The following HEMK2 variants were observed in gnomAD, a reference collection of about 807,000 sequenced individuals.
The protein encoded by HEMK2 is HemK methyltransferase 2, ETF1 glutamine and histone H4 lysine.
At chr21:28,842,823 G>C in the HEMK2 span, among the ~76,000 whole-genome samples, 4 of 152,240 alleles carry the variant, frequency 2.6e-5, no homozygotes, top group East Asian at 7.7e-4. Flanking sequence ...TCCTCTGATT[G>C]TATACAGAGA....
At chr21:28,718,544 T>G in the HEMK2 span, among the ~76,000 whole-genome samples, 1 of 152,126 alleles carries the variant, frequency 6.6e-6, no homozygotes, top group Non-Finnish European at 1.5e-5. Context: ...ACTATTACTG[T>G]GTGGCTAAGT....
At chr21:28,707,344 G>A in the HEMK2 span, among the ~76,000 whole-genome samples, 13 of 149,660 alleles carry the variant, frequency 8.7e-5, no homozygotes, top group East Asian at 2.0e-4. Context: ...CAACCTCCGC[G>A]TCCCCCATTC....
At chr21:28,780,358 TA>T in the HEMK2 span, among the ~76,000 whole-genome samples, 4 of 149,846 alleles carry the variant, frequency 2.7e-5, no homozygotes, top group East Asian at 8.0e-4. Context: ...TTGGTATTTT[TA>T]ATAGAGACGG....
the HEMK2 span, among the ~76,000 whole-genome samples, chr21:28,576,519 T>C: frequency 1.3e-5 from 2 of 152,280 alleles, no homozygotes; most frequent in Admixed American, 6.5e-5. Flanking sequence ...TTTCTCTATA[T>C]GTCTTATCCC....
the HEMK2 span, among the ~76,000 whole-genome samples, chr21:28,751,852 T>C: frequency 6.6e-6 from 1 of 152,192 alleles, no homozygotes; most frequent in Non-Finnish European, 1.5e-5. Context: ...GCTAATTTTG[T>C]ATTTTTAGTA....
chr21:28,770,416 G>A, the HEMK2 span, among the ~76,000 whole-genome samples: 1 of 152,112 alleles, frequency 6.6e-6, no homozygotes, highest in Non-Finnish European at 1.5e-5. Flanking sequence ...AAGGGAAGAG[G>A]ATGGGGAATG....
the HEMK2 span, among the ~76,000 whole-genome samples, chr21:28,658,221 C>G: frequency 6.6e-6 from 1 of 151,918 alleles, no homozygotes; most frequent in East Asian, 1.9e-4. Context: ...CATCCAAAAC[C>G]CAAACAATTT....
At chr21:28,688,716 A>C in the HEMK2 span, among the ~76,000 whole-genome samples, 1 of 152,200 alleles carries the variant, frequency 6.6e-6, no homozygotes, top group Non-Finnish European at 1.5e-5. Context: ...ATTCTAAGAA[A>C]TGTTTATGCT....
the HEMK2 span, among the ~76,000 whole-genome samples, chr21:28,863,415 TATATATATATATATATA>T: frequency 1.3e-4 from 1 of 7,818 alleles, no homozygotes; most frequent in Non-Finnish European, 4.6e-4. Context: ...CCCTTTTATA[TATATATATATATATATA>T]TATATATATA....
At chr21:28,780,255 G>A in the HEMK2 span, among the ~76,000 whole-genome samples, 11 of 151,954 alleles carry the variant, frequency 7.2e-5, no homozygotes, top group Admixed American at 3.3e-4. Flanking sequence ...TCAGCTCACT[G>A]CAACCTCTGC....
At chr21:28,796,272 G>C in the HEMK2 span, among the ~76,000 whole-genome samples, 3 of 152,070 alleles carry the variant, frequency 2.0e-5, no homozygotes, top group Non-Finnish European at 2.9e-5. Context: ...CCGAGTAGCT[G>C]GGATTTATAG....
At chr21:28,798,418 A>G in the HEMK2 span, among the ~76,000 whole-genome samples, 4 of 152,284 alleles carry the variant, frequency 2.6e-5, no homozygotes, top group South Asian at 2.1e-4. Context: ...CCCACCCCAT[A>G]GAGTTTCTGT....
the HEMK2 span, among the ~76,000 whole-genome samples, chr21:28,621,875 G>A: frequency 6.6e-6 from 1 of 152,146 alleles, no homozygotes; most frequent in Non-Finnish European, 1.5e-5. Context: ...GGATATGATG[G>A]CTTAGCTTGG....
the HEMK2 span, among the ~76,000 whole-genome samples, chr21:28,700,130 C>T: frequency 6.6e-6 from 1 of 152,140 alleles, no homozygotes; most frequent in Non-Finnish European, 1.5e-5. Context: ...ATCTCTCTTC[C>T]TCTTCCCAAG....
chr21:28,776,956 A>C, the HEMK2 span, among the ~76,000 whole-genome samples: 1 of 152,202 alleles, frequency 6.6e-6, no homozygotes, highest in South Asian at 2.1e-4. Context: ...CTCCTTTGGC[A>C]ACACCCTCAC....
chr21:28,842,151 A>C, the HEMK2 span, among the ~76,000 whole-genome samples: 1 of 152,234 alleles, frequency 6.6e-6, no homozygotes, highest in Non-Finnish European at 1.5e-5. Context: ...ATAATTGTGA[A>C]GATTAAACAG....
chr21:28,590,554 G>A, the HEMK2 span, among the ~76,000 whole-genome samples: 4 of 152,208 alleles, frequency 2.6e-5, no homozygotes, highest in East Asian at 1.9e-4. Context: ...ATGGTGAACT[G>A]AAATTTGGAA....
At chr21:28,856,001 T>C in the HEMK2 span, among the ~76,000 whole-genome samples, 7 of 108,088 alleles carry the variant, frequency 6.5e-5, no homozygotes, top group Admixed American at 2.2e-4. Flanking sequence ...CAAAAAATAA[T>C]ATGTTTTTTA....
chr21:28,645,934 G>T, the HEMK2 span, among the ~76,000 whole-genome samples: 1 of 152,116 alleles, frequency 6.6e-6, no homozygotes, highest in African/African-American at 2.4e-5. Flanking sequence ...CAGCCCAAAA[G>T]GACCAAGGCA....
Sources: allele counts gnomAD v4.1 joint callset (sites outside exome capture counted in the v4.1 genomes callset), GRCh38; gene constraint gnomAD v4.1.1; transcripts MANE v1.5; gene names NCBI Gene and HGNC (gene_info 2026-07-23, HGNC 2026-07-21).